MYO1H: variants seen among roughly 807,000 people sequenced by gnomAD.
MYO1H encodes myosin IH, also known as unconventional myosin-Ih.
In MYO1H, 118 loss-of-function variants were observed where a neutral mutation model predicts 149.3. The observed-to-expected ratio is 0.79, with a 90% CI of 0.68 to 0.92. The LOEUF is 0.92. Among genes scored for constraint, MYO1H ranks in the 40% least tolerant of loss-of-function variants. The probability of loss-of-function intolerance (pLI) is 0.00; values close to 1 mark genes in which losing one functional copy is unlikely to be tolerated. For missense variants in MYO1H, 1,212 were observed against 1,280.7 expected (o/e 0.95, Z 0.82); for synonymous variants, 447 against 465.2 (o/e 0.96, Z 0.50).
Position 109,382,917 on chromosome 12 carries a change from TA to T in MYO1H, c.13-5760del, listed in dbSNP as rs1392192284. Among the ~76,000 whole-genome samples the T allele has an allele frequency of 2.7e-5, 4 of 148,270 alleles. No homozygotes were observed. In the East Asian group the frequency reaches 5.8e-4, roughly 22 times the overall value. Reference sequence around the variant, plus strand: ...ATATATAAATAAATATATAAATATATAAAAAATAAATATAAAGAAAAGATGA... The same window carrying T: ...ATATATAAATAAATATATAAATATATAAAAATAAATATAAAGAAAAGATGA... On this transcript the variant is annotated intron_variant, in intron 1 of 31. Transcript: ENST00000310903.
intron 12 of MYO1H, among the ~76,000 whole-genome samples, chr12:109,410,341 T>C (rs200154134): frequency 1.3e-5 from 2 of 152,134 alleles, no homozygotes; most frequent in East Asian, 3.9e-4. Flanking sequence ...AGGGTCTCTC[T>C]ATGTTGCCCA....
intron 27 of MYO1H, 64 bp downstream of exon 27, chr12:109,442,336 C>T (rs1226093465): frequency 2.9e-5 from 43 of 1,466,084 alleles, no homozygotes; most frequent in Admixed American, 3.4e-5. Context: ...AGCAGGGTCC[C>T]CTTTCTCCAT....
chr12:109,447,955 G>C (rs1020892866), exon 32 of MYO1H: 2 of 152,206 alleles, frequency 1.3e-5, no homozygotes, highest in African/African-American at 4.8e-5. Context: ...AGCGTGTAGC[G>C]AGCCTGCCAC....
In MYO1H at chr12:109,436,569, TA is replaced by T; in HGVS notation, c.2209+14del. On this transcript the variant is annotated intron_variant, in intron 22 of 31. Coordinates refer to ENST00000310903, the Ensembl canonical transcript of MYO1H. ...AAAAGACAAGCAGGTAAGAATTAAATAGAAACAAATAAGTTTGCTCCCTTTC... is the reference window on the plus strand; with the variant it reads ...AAAAGACAAGCAGGTAAGAATTAAATGAAACAAATAAGTTTGCTCCCTTTC... 6.3e-7 allele frequency: 1 copy of T among 1,584,352 alleles called. No individual in the cohort carries two copies. Among genetic ancestry groups the T allele is most frequent in the Non-Finnish European group, 8.6e-7 (1 of 1,161,212 alleles).
Position 109,417,403 on chromosome 12 carries a change from C to T in MYO1H, c.1597+1783C>T, listed in dbSNP as rs561276057. Among the ~76,000 whole-genome samples, 16 of 152,266 alleles carry T rather than the reference C, an allele frequency of 1.1e-4. No homozygotes were observed. The East Asian group carries it at 2.7e-3, about 26-fold the overall frequency. ...CGTGCAGTGGCATGATCTCGGCTCA[C>T]TGCAAGCTCCGCCTCCTGGGTTCAC... On this transcript the variant is annotated intron_variant, in intron 15 of 31. Coordinates refer to ENST00000310903, the Ensembl canonical transcript of MYO1H.
At chr12:109,336,220 A>G in the MYO1H span, among the ~76,000 whole-genome samples, 1 of 151,990 alleles carries the variant, frequency 6.6e-6, no homozygotes, top group Middle Eastern at 3.2e-3. Flanking sequence ...TGTTCTTCCC[A>G]AGCCCTAAGA....
intron 2 of MYO1H, among the ~76,000 whole-genome samples, chr12:109,390,883 G>A (rs992686166): frequency 2.0e-5 from 3 of 152,136 alleles, no homozygotes; most frequent in African/African-American, 7.2e-5. Flanking sequence ...GGCCAGGCTG[G>A]TCTCAAACTC....
At position 109,369,346 on chromosome 12, in the gene MYO1H, A is replaced by C. The variant is rs529714051; in HGVS notation, c.13-19337A>C. ...TATTGCTAAGGAAGAAAAAAGCAAA[A>C]TACAGCATGCTGCATCTTATGTGAT... On this transcript the variant is annotated intron_variant, in intron 1 of 31. Coordinates refer to ENST00000310903, the Ensembl canonical transcript of MYO1H. Among the ~76,000 whole-genome samples the C allele has an allele frequency of 3.9e-5, 6 of 152,294 alleles. No individual in the cohort carries two copies. In the East Asian group the frequency reaches 5.8e-4, roughly 15 times the overall value.
chr12:109,401,893 C>G (rs1038950836), intron 6 of MYO1H, among the ~76,000 whole-genome samples: 2 of 152,042 alleles, frequency 1.3e-5, no homozygotes, highest in Non-Finnish European at 2.9e-5. Context: ...GCGCGAGGTA[C>G]CATGCCTCGC....
At chr12:109,437,179 C>T (rs964180978) in intron 22 of MYO1H, among the ~76,000 whole-genome samples, 4 of 151,852 alleles carry the variant, frequency 2.6e-5, no homozygotes, top group African/African-American at 4.8e-5. Flanking sequence ...ATTTTTTTGT[C>T]CCTCCCCAGT....
upstream of MYO1H, among the ~76,000 whole-genome samples, chr12:109,345,744 C>T (rs1035356886): frequency 2.0e-5 from 3 of 152,132 alleles, no homozygotes; most frequent in Non-Finnish European, 4.4e-5. Context: ...TGTGGTATAT[C>T]CATACCAGAG....
At chr12:109,359,236 G>A (rs1868686884) in intron 1 of MYO1H, 1 of 152,084 alleles carries the variant, frequency 6.6e-6, no homozygotes. Flanking sequence ...ATGCTGAATG[G>A]ACCCTTCTTG....
the MYO1H span, among the ~76,000 whole-genome samples, chr12:109,318,972 G>GTTTTTTTTTTTTTTTTTTTTTTTTTTTT: frequency 7.8e-5 from 6 of 77,258 alleles, no homozygotes; most frequent in Admixed American, 2.8e-4. Context: ...TTTTGGTTTT[G>GTTTTTTTTTTTTTTTTTTTTTTTTTTTT]TTTTTTTTTT....
At chr12:109,418,495 G>A (rs1293214531) in intron 15 of MYO1H, among the ~76,000 whole-genome samples, 1 of 151,580 alleles carries the variant, frequency 6.6e-6, no homozygotes, top group African/African-American at 2.4e-5. Flanking sequence ...GATTATAGAT[G>A]TCCGCCACCA....
chr12:109,339,004 T>C, the MYO1H span, among the ~76,000 whole-genome samples: 1 of 152,168 alleles, frequency 6.6e-6, no homozygotes, highest in Non-Finnish European at 1.5e-5. Flanking sequence ...AGAGAATAGT[T>C]TGTTCATAAC....
chr12:109,445,871 A>G (rs1389400248), intron 31 of MYO1H: 1 of 985,410 alleles, frequency 1.0e-6, no homozygotes, highest in African/African-American at 1.7e-5. Context: ...ACACTTCCCA[A>G]ATAGCAGAGT....
intron 2 of MYO1H, among the ~76,000 whole-genome samples, chr12:109,391,042 A>G (rs1005420267): frequency 1.3e-5 from 2 of 152,168 alleles, no homozygotes; most frequent in African/African-American, 4.8e-5. Context: ...TTGTCCATTC[A>G]TGTGTAATAG....
At chr12:109,313,687 C>T in the MYO1H span, among the ~76,000 whole-genome samples, 2 of 152,182 alleles carry the variant, frequency 1.3e-5, no homozygotes, top group Admixed American at 1.3e-4. Flanking sequence ...TGTTCTACTT[C>T]CCAGAAAAGT....
intron 9 of MYO1H, 25 bp from the exon 10 acceptor site, chr12:109,407,769 T>C: frequency 1.2e-6 from 2 of 1,612,508 alleles, no homozygotes; most frequent in South Asian, 2.2e-5. Flanking sequence ...CCACCTATAA[T>C]GATGCACCTT....
Sources: allele counts gnomAD v4.1 joint callset (sites outside exome capture counted in the v4.1 genomes callset), GRCh38; gene constraint gnomAD v4.1.1; transcripts MANE v1.5; gene names NCBI Gene and HGNC (gene_info 2026-07-23, HGNC 2026-07-21).